VSIG10: variants seen among roughly 807,000 people sequenced by gnomAD.
VSIG10 encodes V-set and immunoglobulin domain containing 10, also known as V-set and immunoglobulin domain-containing protein 10.
VSIG10 carries 48 observed loss-of-function variants against 58.7 expected under a neutral mutation model. That is an observed-to-expected ratio of 0.82 (90% confidence interval 0.65 to 1.04). VSIG10 has a LOEUF of 1.04. VSIG10 is among the 50% of genes least tolerant of loss of function. VSIG10 has a pLI of 0.00. For missense variants in VSIG10, 628 were observed against 670.0 expected, an observed-to-expected ratio of 0.94 and a Z score of 0.69; for synonymous variants, 260 against 267.1, an observed-to-expected ratio of 0.97 and a Z score of 0.26.
chr12:118,095,767 G>A lies in VSIG10; in HGVS notation c.127C>T (p.His43Tyr), dbSNP rs770477231. ...IGEVHENVTL[H>Y]CGNISGLRGQ... ...CTCAGTCCCGAGATGTTGCCACAGTGCAGAGTAACATTCTCATGAACTTCT... is the reference window on the plus strand; with the variant it reads ...CTCAGTCCCGAGATGTTGCCACAGTACAGAGTAACATTCTCATGAACTTCT... Residue 43 changes from histidine (H) to tyrosine (Y), a missense_variant, in exon 2 of 9, where the codon CAC becomes TAC. Transcript: ENST00000359236. The A allele has an allele frequency of 1.9e-6, 3 of 1,612,854 alleles. No individual in the cohort carries two copies. The highest frequency in any genetic ancestry group is 3.3e-5 in the Admixed American group (2 of 59,762).
intron 4 of VSIG10, among the ~76,000 whole-genome samples, chr12:118,077,012 T>C (rs982263143): frequency 6.6e-6 from 1 of 152,140 alleles, no homozygotes; most frequent in Non-Finnish European, 1.5e-5. Context: ...CCTACTCTAA[T>C]CCACTATGAC....
Position 118,068,472 on chromosome 12 carries a change from G to A in VSIG10, c.1472C>T (p.Pro491Leu). 6.2e-7 allele frequency: 1 copy of A among 1,613,478 alleles called. No homozygotes were observed. The highest frequency in any genetic ancestry group is 1.1e-5 in the South Asian group (1 of 91,068). The change falls in exon 8 of 9, where the codon CCA becomes CTA. Residue 491 changes from proline to leucine, a missense_variant. Transcript: ENST00000359236. ...GTGGTCCTGCTTAGGTATTTCTTTT[G>A]GCAACTCCTCTCTCTCACGTGCTCC... ...QEGAREREELPKEIPKQDHIH... is the reference protein window; with the variant it reads ...QEGAREREELLKEIPKQDHIH...
chr12:118,068,045 T>TTTCC (rs71450254), intron 8 of VSIG10, among the ~76,000 whole-genome samples: 2 of 141,188 alleles, frequency 1.4e-5, no homozygotes, highest in African/African-American at 5.3e-5. Flanking sequence ...TTTTTTTTTT[T>TTTCC]CTGAGGCAGG....
Position 118,075,084 on chromosome 12 carries a change from ATATATATG to A in VSIG10, c.926-1100_926-1093del, listed in dbSNP as rs201015407. The stretch of plus-strand genomic sequence containing the variant: ...ATTTATGTATAAGAAAAAGCATAGT[ATATATATG>A]TATATATGTATATATGTGTATATGT... On this transcript the variant is annotated intron_variant, in intron 4 of 8. Coordinates refer to ENST00000359236, the MANE Select transcript of VSIG10 (RefSeq NM_019086.6). Among the ~76,000 whole-genome samples the A allele has an allele frequency of 3.5e-3, 530 of 149,674 alleles. 2 individuals carry two copies. The highest frequency in any genetic ancestry group is 9.3e-3 in the African/African-American group (382 of 41,050).
chr12:118,102,296 C>T (rs1312587520), intron 1 of VSIG10: 1 of 152,276 alleles, frequency 6.6e-6, no homozygotes, highest in Non-Finnish European at 1.5e-5. Context: ...TTGACAACCA[C>T]CTTTCACGTC....
At chr12:118,083,114 C>CAAAAAAAAAAAAAAAAAAAAA (rs61523301) in intron 2 of VSIG10, among the ~76,000 whole-genome samples, 1 of 55,000 alleles carries the variant, frequency 1.8e-5, no homozygotes, top group Non-Finnish European at 3.3e-5. Context: ...CTCCGTCTCA[C>CAAAAAAAAAAAAAAAAAAAAA]AAAAAAAAAA....
rs1466856460 is a variant in VSIG10 at position 118,064,646 on chromosome 12, G to C, written c.*1993C>G. 1 of 152,032 alleles carries C rather than the reference G, an allele frequency of 6.6e-6. No homozygotes were observed. Among genetic ancestry groups the C allele is most frequent in the East Asian group, 1.9e-4 (1 of 5,196 alleles). 9.4% of individuals were successfully genotyped at this position (152,032 alleles called of 1,614,324 possible). The stretch of plus-strand genomic sequence containing the variant: ...CTGTTGAGAATGGTTAAGTACGTGG[G>C]GTACCTTGCAGCAAAAGACAAAAAG... On this transcript the variant is annotated 3_prime_UTR_variant, in exon 9 of 9. Coordinates refer to ENST00000359236, the MANE Select transcript of VSIG10 (RefSeq NM_019086.6).
Position 118,073,721 on chromosome 12 carries a change from C to T in VSIG10, c.1197G>A (p.Met399Ile), listed in dbSNP as rs2032592336. Reference sequence around the variant, plus strand: ...CACCTTTCACACTCAGCCAGATTTCCATCTCCCTCACCCCTACAGGGCTGT... The same window carrying T: ...CACCTTTCACACTCAGCCAGATTTCTATCTCCCTCACCCCTACAGGGCTGT... ...RADSPVGVRE[M>I]EIWLSVKEPL... Residue 399 changes from methionine (M) to isoleucine (I), a missense_variant, in exon 5 of 9, where the codon ATG becomes ATA. Coordinates refer to ENST00000359236, the MANE Select transcript of VSIG10 (RefSeq NM_019086.6). 28 of 1,611,306 alleles carry T rather than the reference C, an allele frequency of 1.7e-5. 1 individual carries two copies. Among genetic ancestry groups the T allele is most frequent in the Non-Finnish European group, 2.4e-5 (28 of 1,178,334 alleles).
chr12:118,095,409 T>G, intron 2 of VSIG10, 124 bp downstream of exon 2: 1 of 1,253,430 alleles, frequency 8.0e-7, no homozygotes, highest in Non-Finnish European at 1.1e-6. Flanking sequence ...TCAGCTTCCA[T>G]GTGGCAGGGC....
intron 8 of VSIG10, among the ~76,000 whole-genome samples, chr12:118,068,045 T>TTTTTTTTTTTTTTTTTTTTTTTTTTTC (rs71450254): frequency 7.1e-6 from 1 of 141,190 alleles, no homozygotes; most frequent in Admixed American, 7.5e-5. Flanking sequence ...TTTTTTTTTT[T>TTTTTTTTTTTTTTTTTTTTTTTTTTTC]CTGAGGCAGG....
intron 2 of VSIG10, among the ~76,000 whole-genome samples, chr12:118,088,318 C>T (rs2033193926): frequency 6.6e-6 from 1 of 151,774 alleles, no homozygotes; most frequent in Non-Finnish European, 1.5e-5. Context: ...CCACGGGAAT[C>T]CCATCGCTGG....
chr12:118,095,825 C>A lies in VSIG10; in HGVS notation c.80-11G>T, dbSNP rs751739401. The A allele has an allele frequency of 6.3e-7, 1 of 1,599,306 alleles. No individual in the cohort carries two copies. ...CAACAGCCTCCAATCCTGTACAAGG[C>A]AAGATCAGGCTGTTACTACCCTTCT... On this transcript the variant is annotated splice_polypyrimidine_tract_variant and intron_variant, in intron 1 of 8. Coordinates refer to ENST00000359236, the MANE Select transcript of VSIG10 (RefSeq NM_019086.6).
At chr12:118,073,419 G>A (rs2032579448) in intron 5 of VSIG10, among the ~76,000 whole-genome samples, 1 of 152,072 alleles carries the variant, frequency 6.6e-6, no homozygotes, top group African/African-American at 2.4e-5. Flanking sequence ...AGTTTCTTAG[G>A]TGTTCATTTT....
intron 8 of VSIG10, among the ~76,000 whole-genome samples, chr12:118,068,156 G>C (rs1166839793): frequency 6.7e-6 from 1 of 149,430 alleles, no homozygotes; most frequent in Non-Finnish European, 1.5e-5. Context: ...CAAGTAGCTG[G>C]GAACACAGGT....
At chr12:118,084,775 A>G (rs573360206) in intron 2 of VSIG10, among the ~76,000 whole-genome samples, 3 of 152,192 alleles carry the variant, frequency 2.0e-5, no homozygotes, top group African/African-American at 7.2e-5. Context: ...GCTACTCAGG[A>G]GGCTGAAGCA....
chr12:118,103,992 G>T lies in VSIG10; in HGVS notation c.-321C>A. ...GGGATCCCTCCCGCCTCCCAGCCAG[G>T]CGGGAGCCCAACTTCCTCTACCTTG... On this transcript the variant is annotated 5_prime_UTR_variant, in exon 1 of 9. Transcript: ENST00000359236. 1 of 251,990 alleles carries T rather than the reference G, an allele frequency of 4.0e-6. No individual in the cohort carries two copies. Among genetic ancestry groups the T allele is most frequent in the African/African-American group, 2.2e-5 (1 of 44,672 alleles). The allele number at this position is 251,990 out of a possible 1,614,324, so 15.6% of individuals were successfully genotyped here.
intron 1 of VSIG10, among the ~76,000 whole-genome samples, chr12:118,100,795 C>T (rs1294410798): frequency 2.0e-5 from 3 of 152,146 alleles, no homozygotes; most frequent in Non-Finnish European, 4.4e-5. Context: ...TCCAAAAGTG[C>T]TGGGATTACA....
intron 2 of VSIG10, among the ~76,000 whole-genome samples, chr12:118,088,947 CT>C (rs150822972): frequency 2.1e-3 from 297 of 142,130 alleles, no homozygotes; most frequent in Non-Finnish European, 2.0e-3. Context: ...ATTCCTTTTT[CT>C]TTTTTTTTTT....
intron 2 of VSIG10, among the ~76,000 whole-genome samples, chr12:118,092,461 A>G (rs1217455963): frequency 6.6e-6 from 1 of 152,172 alleles, no homozygotes; most frequent in East Asian, 1.9e-4. Context: ...AAAGGGCCAG[A>G]GAGCAAATAA....
Sources: gnomAD v4.1 joint callset for allele counts (sites outside exome capture counted in the v4.1 genomes callset) on GRCh38, gnomAD v4.1.1 for gene constraint, MANE v1.5 for transcripts, NCBI Gene and HGNC (gene_info 2026-07-23, HGNC 2026-07-21) for gene names.